Variants in LDB2 observed in about 807,000 individuals in gnomAD.
The protein encoded by LDB2 is LIM domain binding 2.
A neutral mutation model predicts 44.3 loss-of-function variants in LDB2; 12 were observed. The observed-to-expected ratio is 0.27, with a 90% CI of 0.17 to 0.44. LDB2 has a LOEUF of 0.44. Ranked by LOEUF, LDB2 falls within the 20% of genes least tolerant of loss-of-function variation. LDB2 has a pLI of 1.00. For missense variants in LDB2, 344 were observed against 473.5 expected (o/e 0.73, Z 2.54); for synonymous variants, 164 against 174.8 (o/e 0.94, Z 0.49).
At chr4:16,602,041 T>G (rs1217501426) in intron 2 of LDB2, among the ~76,000 whole-genome samples, 1 of 152,222 alleles carries the variant, frequency 6.6e-6, no homozygotes, top group East Asian at 1.9e-4. Context: ...TTGGCATGAC[T>G]TTCATTCTAA....
chr4:16,858,095 A>G (rs1469631321), intron 1 of LDB2, among the ~76,000 whole-genome samples: 1 of 152,182 alleles, frequency 6.6e-6, no homozygotes, highest in African/African-American at 2.4e-5. Context: ...AATGCCTGCT[A>G]TATTGCTAAA....
chr4:16,889,062 GTCTCTC>G (rs200868279), intron 1 of LDB2, among the ~76,000 whole-genome samples: 24 of 146,306 alleles, frequency 1.6e-4, no homozygotes, highest in Admixed American at 1.0e-3. Context: ...TAGGACAAAT[GTCTCTC>G]TCTCTCTCTC....
chr4:16,771,073 G>A (rs2109343092), intron 1 of LDB2, among the ~76,000 whole-genome samples: 1 of 152,250 alleles, frequency 6.6e-6, no homozygotes, highest in African/African-American at 2.4e-5. Context: ...AAGCTTGCAA[G>A]ATTCAAAATC....
chr4:16,827,386 T>C (rs996015498), intron 1 of LDB2, among the ~76,000 whole-genome samples: 11 of 152,200 alleles, frequency 7.2e-5, no homozygotes, highest in Admixed American at 2.6e-4. Flanking sequence ...AAGATGCTAC[T>C]CTTTTTTTGC....
chr4:16,763,323 C>A lies in LDB2; in HGVS notation c.133-4063G>T, dbSNP rs143191164. 2.9e-4 allele frequency among the ~76,000 whole-genome samples: 44 copies of A among 152,092 alleles called. No individual in the cohort carries two copies. The East Asian group carries it at 8.3e-3, about 29-fold the overall frequency. On this transcript the variant is annotated intron_variant, in intron 1 of 7. Transcript: ENST00000304523. ...CGGGAAATCACTTTACAAAGTTGTC[C>A]GGAGAACTTGATTGTGGACCCTACT...
chr4:16,887,400 G>C (rs1722072584), intron 1 of LDB2, among the ~76,000 whole-genome samples: 1 of 152,084 alleles, frequency 6.6e-6, no homozygotes, highest in Non-Finnish European at 1.5e-5. Context: ...TCTAATTTGG[G>C]ACTAGTAGGT....
intron 1 of LDB2, among the ~76,000 whole-genome samples, chr4:16,793,498 T>G (rs1002037560): frequency 3.9e-5 from 6 of 152,196 alleles, no homozygotes; most frequent in Admixed American, 6.5e-5. Flanking sequence ...TTGAAGCTTC[T>G]TATTTTTAAT....
chr4:16,751,389 G>A (rs157630), intron 2 of LDB2, among the ~76,000 whole-genome samples: 111,247 of 152,128 alleles, frequency 0.73, 43,425 homozygotes, highest in South Asian at 0.9. Context: ...TATCTCATGC[G>A]ATCATTAGTG....
At chr4:16,812,265 A>G (rs1780023903) in intron 1 of LDB2, among the ~76,000 whole-genome samples, 1 of 152,120 alleles carries the variant, frequency 6.6e-6, no homozygotes, top group Non-Finnish European at 1.5e-5. Context: ...ATCACCAGCC[A>G]TTTGGGTGAG....
intron 1 of LDB2, among the ~76,000 whole-genome samples, chr4:16,842,799 G>T (rs1398044821): frequency 1.3e-5 from 2 of 152,120 alleles, no homozygotes; most frequent in African/African-American, 4.8e-5. Flanking sequence ...AAGAGGTCAG[G>T]TTCTGGAACT....
Position 16,680,001 on chromosome 4 carries a change from A to G in LDB2, c.235+79157T>C, listed in dbSNP as rs80172167. Among the ~76,000 whole-genome samples the G allele has an allele frequency of 5.0e-3, 761 of 152,240 alleles. 9 individuals carry two copies. The highest frequency in any genetic ancestry group is 0.017 in the African/African-American group (716 of 41,548). On this transcript the variant is annotated intron_variant, in intron 2 of 7. Transcript: ENST00000304523. ...GATGGAATCTTTATAAGCCCCCCAA[A>G]TTCCTGTATTGAAGCCCTAATCCCC...
intron 2 of LDB2, among the ~76,000 whole-genome samples, chr4:16,596,623 A>G (rs1274545130): frequency 1.3e-5 from 2 of 152,216 alleles, no homozygotes; most frequent in Non-Finnish European, 2.9e-5. Context: ...TAACTATGTA[A>G]ATACTGATTA....
chr4:16,507,638 A>G (rs1184179108), intron 7 of LDB2, among the ~76,000 whole-genome samples: 1 of 152,212 alleles, frequency 6.6e-6, no homozygotes, highest in Non-Finnish European at 1.5e-5. Context: ...AAAGGTATCC[A>G]TGAAGCACTA....
chr4:16,618,077 G>T (rs1374029263), intron 2 of LDB2, among the ~76,000 whole-genome samples: 1 of 152,094 alleles, frequency 6.6e-6, no homozygotes, highest in African/African-American at 2.4e-5. Context: ...AATTCTGTTA[G>T]GCGCACCTCC....
At chr4:16,672,568 G>C (rs1745078453) in intron 2 of LDB2, among the ~76,000 whole-genome samples, 2 of 152,056 alleles carry the variant, frequency 1.3e-5, no homozygotes, top group African/African-American at 4.8e-5. Flanking sequence ...AGACTTTCTT[G>C]CTCCTTATTA....
intron 2 of LDB2, among the ~76,000 whole-genome samples, chr4:16,663,770 T>C (rs990681719): frequency 2.6e-5 from 4 of 152,216 alleles, no homozygotes; most frequent in African/African-American, 9.6e-5. Context: ...ATAGATAGAT[T>C]CTAATTTATC....
In LDB2 at chr4:16,746,145, T is replaced by C. The variant is rs1764339551; in HGVS notation, c.235+13013A>G. Among the ~76,000 whole-genome samples, 5 of 152,182 alleles carry C rather than the reference T, an allele frequency of 3.3e-5. No individual in the cohort carries two copies. The South Asian group carries it at 1.0e-3, about 31-fold the overall frequency. ...GAAACAGGCACAGTGACTACAAAGG[T>C]GAATGACACACAGTCCCCACCCTCA... On this transcript the variant is annotated intron_variant, in intron 2 of 7. Transcript: ENST00000304523.
chr4:16,521,460 T>G (rs1726049051), intron 5 of LDB2, among the ~76,000 whole-genome samples: 1 of 152,170 alleles, frequency 6.6e-6, no homozygotes, highest in African/African-American at 2.4e-5. Context: ...AAATCCAGAA[T>G]GATTTCATGC....
At chr4:16,676,689 GAC>G (rs1048573370) in intron 2 of LDB2, among the ~76,000 whole-genome samples, 2 of 152,236 alleles carry the variant, frequency 1.3e-5, no homozygotes, top group African/African-American at 4.8e-5. Flanking sequence ...TCAGGAATGA[GAC>G]ACGTTTCAAG....
Sources: allele counts gnomAD v4.1 joint callset (sites outside exome capture counted in the v4.1 genomes callset), GRCh38; gene constraint gnomAD v4.1.1; transcripts MANE v1.5; gene names NCBI Gene and HGNC (gene_info 2026-07-23, HGNC 2026-07-21).